Variants in ADCK1 observed in about 807,000 individuals in gnomAD.
ADCK1 encodes aarF domain containing kinase 1.
A neutral mutation model predicts 52.3 loss-of-function variants in ADCK1; 41 were observed. The ratio of observed to expected loss-of-function variants is 0.78; its 90% CI spans 0.61 to 1.02. The LOEUF is 1.02. ADCK1 is among the 50% of genes least tolerant of loss of function. The probability of loss-of-function intolerance (pLI) is 0.00; values close to 1 mark genes in which losing one functional copy is unlikely to be tolerated. For synonymous variants in ADCK1, 250 were observed against 274.6 expected (o/e 0.91, Z 0.89); for missense variants, 658 against 679.5 (o/e 0.97, Z 0.35).
At chr14:77,802,167 C>A (rs2081123274) in intron 1 of ADCK1, among the ~76,000 whole-genome samples, 1 of 151,940 alleles carries the variant, frequency 6.6e-6, no homozygotes. Context: ...AGTTTTCTAC[C>A]TTTTCTAAAA....
At chr14:77,825,544 C>T (rs1409426872) in intron 3 of ADCK1, among the ~76,000 whole-genome samples, 3 of 152,036 alleles carry the variant, frequency 2.0e-5, no homozygotes, top group African/African-American at 7.2e-5. Context: ...GAGACTTGGT[C>T]TGTGCTGTGA....
At chr14:77,847,900 G>A (rs187817801) in intron 3 of ADCK1, among the ~76,000 whole-genome samples, 1 of 152,288 alleles carries the variant, frequency 6.6e-6, no homozygotes, top group East Asian at 1.9e-4. Context: ...ACAGTTCCCG[G>A]GAGCCCAGAC....
chr14:77,895,345 CAT>C (rs2083386398), intron 5 of ADCK1, among the ~76,000 whole-genome samples: 2 of 152,226 alleles, frequency 1.3e-5, no homozygotes, highest in African/African-American at 4.8e-5. Flanking sequence ...TTGGATAACA[CAT>C]GTGAACATAT....
At chr14:77,803,367 T>A (rs1365532443) in intron 1 of ADCK1, among the ~76,000 whole-genome samples, 5 of 152,198 alleles carry the variant, frequency 3.3e-5, no homozygotes, top group South Asian at 4.1e-4. Context: ...CCTTTAGTCC[T>A]GAAATGTAGC....
chr14:77,914,339 G>A (rs565938975), intron 7 of ADCK1: 782 of 892,030 alleles, frequency 8.8e-4, no homozygotes, highest in Non-Finnish European at 1.0e-3. Flanking sequence ...GTTCGTGAAG[G>A]AGTAGAGTCC....
intron 5 of ADCK1, 74 bp downstream of exon 5, chr14:77,887,323 C>G (rs1016729983): frequency 1.4e-5 from 20 of 1,439,222 alleles, no homozygotes; most frequent in Non-Finnish European, 1.8e-5. Context: ...CTAGGTGGAA[C>G]TGGTTCAAGC....
chr14:77,817,447 G>C (rs1339428118), intron 1 of ADCK1, among the ~76,000 whole-genome samples: 1 of 152,168 alleles, frequency 6.6e-6, no homozygotes, highest in Non-Finnish European at 1.5e-5. Context: ...AGCTGCAGCT[G>C]TGGTCATGGA....
intron 4 of ADCK1, among the ~76,000 whole-genome samples, chr14:77,880,175 C>T (rs540655689): frequency 6.3e-4 from 96 of 152,286 alleles, no homozygotes; most frequent in African/African-American, 1.9e-3. Context: ...ACCTGTCAGC[C>T]GCTGGTCATC....
intron 3 of ADCK1, among the ~76,000 whole-genome samples, chr14:77,825,711 G>A (rs376254508): frequency 3.4e-5 from 5 of 149,144 alleles, no homozygotes; most frequent in South Asian, 2.1e-4. Flanking sequence ...GTGCGATCTC[G>A]GCTCACTGCA....
intron 3 of ADCK1, among the ~76,000 whole-genome samples, chr14:77,836,875 G>A (rs558706172): frequency 6.8e-6 from 1 of 147,806 alleles, no homozygotes; most frequent in African/African-American, 2.5e-5. Context: ...CCGGGTTTAA[G>A]CGATTCCCCT....
intron 9 of ADCK1, among the ~76,000 whole-genome samples, chr14:77,931,277 C>T (rs575872046): frequency 6.6e-6 from 1 of 152,352 alleles, no homozygotes; most frequent in East Asian, 1.9e-4. Flanking sequence ...TACTGTGTCA[C>T]ATCCAACGCT....
chr14:77,837,799 A>G (rs1383122181), intron 3 of ADCK1, among the ~76,000 whole-genome samples: 2 of 151,830 alleles, frequency 1.3e-5, no homozygotes, highest in Non-Finnish European at 2.9e-5. Flanking sequence ...TTTTCCTGAA[A>G]CCCTTTGGGC....
At chr14:77,893,023 T>G (rs1434832143) in intron 5 of ADCK1, among the ~76,000 whole-genome samples, 1 of 152,138 alleles carries the variant, frequency 6.6e-6, no homozygotes, top group African/African-American at 2.4e-5. Context: ...TAAATGGTGT[T>G]CAGTGAATCT....
chr14:77,930,902 G>C (rs191907315), intron 9 of ADCK1, among the ~76,000 whole-genome samples: 29 of 152,096 alleles, frequency 1.9e-4, no homozygotes, highest in Admixed American at 1.0e-3. Flanking sequence ...GACAGGGATC[G>C]TGGGGAGGCC....
intron 4 of ADCK1, among the ~76,000 whole-genome samples, chr14:77,866,566 C>T (rs1420455316): frequency 1.3e-5 from 2 of 152,132 alleles, no homozygotes; most frequent in Non-Finnish European, 2.9e-5. Flanking sequence ...TGGCAGCTCT[C>T]CTCTGGATTA....
intron 7 of ADCK1, among the ~76,000 whole-genome samples, chr14:77,915,609 A>G (rs1271193911): frequency 6.6e-6 from 1 of 152,206 alleles, no homozygotes; most frequent in African/African-American, 2.4e-5. Context: ...CGTCCTTTGT[A>G]GGGACATGGA....
At chr14:77,929,765 C>T (rs2084283686) in intron 9 of ADCK1, among the ~76,000 whole-genome samples, 1 of 152,056 alleles carries the variant, frequency 6.6e-6, no homozygotes, top group Non-Finnish European at 1.5e-5. Context: ...CTCCTGGGTT[C>T]AAGTGGTTCT....
chr14:77,932,544 C>G (rs1404088572), intron 10 of ADCK1, among the ~76,000 whole-genome samples: 1 of 152,172 alleles, frequency 6.6e-6, no homozygotes, highest in Admixed American at 6.5e-5. Context: ...ATTTCCAGCC[C>G]TTCCGTGCTG....
chr14:77,903,918 T>C (rs11623841), intron 6 of ADCK1, among the ~76,000 whole-genome samples: 9,450 of 152,252 alleles, frequency 0.062, 355 homozygotes, highest in Middle Eastern at 0.12. Flanking sequence ...TCTTTAATTC[T>C]TACAACAGCC....
Sources: allele counts gnomAD v4.1 joint callset (sites outside exome capture counted in the v4.1 genomes callset), GRCh38; gene constraint gnomAD v4.1.1; transcripts MANE v1.5; gene names NCBI Gene and HGNC (gene_info 2026-07-23, HGNC 2026-07-21).